NRXN1: variants seen among roughly 807,000 people sequenced by gnomAD.
The protein encoded by NRXN1 is neurexin-1.
NRXN1 carries 39 observed loss-of-function variants against 150.9 expected under a neutral mutation model. The observed-to-expected ratio is 0.26, with a 90% CI of 0.20 to 0.34. The LOEUF (loss-of-function observed/expected upper bound fraction) is 0.34, where lower values mean the gene tolerates loss of function less well. Among genes scored for constraint, NRXN1 ranks in the 10% least tolerant of loss-of-function variants. NRXN1 has a pLI of 1.00. For synonymous variants in NRXN1, 924 were observed against 757.0 expected, an observed-to-expected ratio of 1.22 and a Z score of -3.62; for missense variants, 1,815 against 1,949.9, an observed-to-expected ratio of 0.93 and a Z score of 1.30.
At chr2:50,814,984 T>G (rs948407602) in intron 5 of NRXN1, among the ~76,000 whole-genome samples, 1 of 152,090 alleles carries the variant, frequency 6.6e-6, no homozygotes, top group African/African-American at 2.4e-5. Context: ...TATAGAGAAT[T>G]CTTAGAACTA....
chr2:50,562,472 G>A (rs1669245183), intron 8 of NRXN1, among the ~76,000 whole-genome samples: 1 of 151,840 alleles, frequency 6.6e-6, no homozygotes, highest in Admixed American at 6.6e-5. Context: ...TTTTGATCAT[G>A]CTCATCAATT....
chr2:50,928,251 T>C (rs1349752267), intron 2 of NRXN1, among the ~76,000 whole-genome samples: 2 of 151,912 alleles, frequency 1.3e-5, no homozygotes, highest in Non-Finnish European at 2.9e-5. Context: ...AAATGGGTGA[T>C]ATATTAACCA....
chr2:50,447,326 A>G (rs2086506717), intron 17 of NRXN1, among the ~76,000 whole-genome samples: 1 of 151,536 alleles, frequency 6.6e-6, no homozygotes, highest in Admixed American at 6.6e-5. Flanking sequence ...ATAAAAATAC[A>G]TAAATTAGCC....
chr2:50,669,052 G>A (rs1295212790), intron 5 of NRXN1, among the ~76,000 whole-genome samples: 1 of 151,912 alleles, frequency 6.6e-6, no homozygotes, highest in Non-Finnish European at 1.5e-5. Flanking sequence ...ATCTACGCAG[G>A]AGAAATGGGA....
Position 50,763,392 on chromosome 2 carries a change from C to T in NRXN1, c.833-139777G>A, listed in dbSNP as rs376691414. Among the ~76,000 whole-genome samples, 138 of 152,038 alleles carry T rather than the reference C, an allele frequency of 9.1e-4. 4 individuals are homozygous for T. The South Asian group carries it at 0.028, about 31-fold the overall frequency. ...CATCTGTAAAACAACAATGACTATT[C>T]TACTGGTTTATATGGTGACTAAGTA... On this transcript the variant is annotated intron_variant, in intron 5 of 22. Coordinates refer to ENST00000401669, the MANE Select transcript of NRXN1 (RefSeq NM_001330078.2).
intron 22 of NRXN1, among the ~76,000 whole-genome samples, chr2:49,941,512 C>T (rs1280062333): frequency 3.3e-5 from 5 of 151,900 alleles, no homozygotes; most frequent in Non-Finnish European, 5.9e-5. Context: ...AGAACTGGAT[C>T]ATTCAGCTGA....
chr2:50,403,124 G>A (rs1025697183), intron 17 of NRXN1, among the ~76,000 whole-genome samples: 3 of 152,032 alleles, frequency 2.0e-5, no homozygotes, highest in African/African-American at 7.2e-5. Flanking sequence ...AACATCACCT[G>A]GTTTCCAAGG....
chr2:50,979,267 T>C, intron 2 of NRXN1: 2 of 518,138 alleles, frequency 3.9e-6, no homozygotes, highest in South Asian at 2.8e-5. Flanking sequence ...GATGCAATAT[T>C]TACATCAGCT....
rs564283775 is a variant in NRXN1, at chr2:50,376,319, C to T, written c.3364+89123G>A. Among the ~76,000 whole-genome samples, 3 of 150,876 alleles carry T rather than the reference C, an allele frequency of 2.0e-5. No individual in the cohort carries two copies. In the South Asian group the frequency reaches 6.3e-4, roughly 32 times the overall value. The stretch of plus-strand genomic sequence containing the variant: ...GGTTGTGAACAAAATTATTTGTCTC[C>T]ATTTGTGTTCTATTGGCTTACTGCT... On this transcript the variant is annotated intron_variant, in intron 17 of 22. Transcript: ENST00000401669.
At chr2:50,107,909 T>A (rs576673665) in intron 18 of NRXN1, among the ~76,000 whole-genome samples, 6 of 151,990 alleles carry the variant, frequency 3.9e-5, no homozygotes, top group Non-Finnish European at 7.4e-5. Context: ...TTATATTAAC[T>A]CTGTGTGAGA....
chr2:50,690,646 T>C (rs1574114038), intron 5 of NRXN1, among the ~76,000 whole-genome samples: 1 of 152,232 alleles, frequency 6.6e-6, no homozygotes, highest in African/African-American at 2.4e-5. Flanking sequence ...TGAGAACATA[T>C]ATTTGTGTAG....
intron 2 of NRXN1, among the ~76,000 whole-genome samples, chr2:50,973,314 G>T (rs1470462100): frequency 6.6e-6 from 1 of 152,104 alleles, no homozygotes; most frequent in Admixed American, 6.6e-5. Flanking sequence ...GCTCAGAGAG[G>T]TGCAGAGACA....
At chr2:50,573,839 T>C (rs113678864) in intron 8 of NRXN1, among the ~76,000 whole-genome samples, 17 of 152,090 alleles carry the variant, frequency 1.1e-4, no homozygotes, top group African/African-American at 3.6e-4. Flanking sequence ...TTGTATTAGG[T>C]ATTATAAGTA....
At chr2:50,817,460 C>A (rs1215060151) in intron 5 of NRXN1, among the ~76,000 whole-genome samples, 2 of 151,942 alleles carry the variant, frequency 1.3e-5, no homozygotes, top group Admixed American at 1.3e-4. Context: ...TCAGAATTTT[C>A]TAAGAAATAG....
At chr2:50,544,242 A>G (rs1439297412) in intron 9 of NRXN1, among the ~76,000 whole-genome samples, 3 of 152,104 alleles carry the variant, frequency 2.0e-5, no homozygotes, top group Admixed American at 2.0e-4. Flanking sequence ...AGTAATAAAA[A>G]CAGAATACAA....
At chr2:50,661,589 G>C (rs547516073) in intron 5 of NRXN1, among the ~76,000 whole-genome samples, 2 of 152,154 alleles carry the variant, frequency 1.3e-5, no homozygotes, top group East Asian at 1.9e-4. Flanking sequence ...CCAGAGGCTG[G>C]TATGGTCTCC....
At chr2:50,237,184 T>A (rs2065530263) in intron 17 of NRXN1, among the ~76,000 whole-genome samples, 1 of 152,072 alleles carries the variant, frequency 6.6e-6, no homozygotes, top group South Asian at 2.1e-4. Flanking sequence ...ACTGATTCAA[T>A]TTACCAGTAG....
intron 5 of NRXN1, among the ~76,000 whole-genome samples, chr2:50,788,891 C>T (rs531618480): frequency 8.5e-5 from 13 of 152,224 alleles, no homozygotes. Context: ...ATTGAGTGAT[C>T]ATGGAAGGTT....
rs202244228 is a variant in NRXN1, at chr2:51,027,904, G to A, written c.370C>T (p.Arg124Cys). The A allele has an allele frequency of 1.1e-5, 17 of 1,609,576 alleles. No individual in the cohort carries two copies. The highest frequency in any genetic ancestry group is 1.3e-5 in the African/African-American group (1 of 74,936). The change falls in exon 2 of 23, where the codon CGC (arginine) becomes TGC (cysteine). Residue 124 changes from arginine (R) to cysteine (C), a missense_variant. By Grantham distance (180) the Arg-to-Cys change is radical. Transcript: ENST00000401669. ...TGGTCGATGAAGAGCGTGGTGTTGC[G>A]GAACTGGCGGCGGATGCGCACGCTG... is the stretch of plus-strand genomic sequence containing the variant. ...WHSVRIRRQFRNTTLFIDQVE... is the reference protein window; with the variant it reads ...WHSVRIRRQFCNTTLFIDQVE...
Sources: gnomAD v4.1 joint callset for allele counts (sites outside exome capture counted in the v4.1 genomes callset) on GRCh38, gnomAD v4.1.1 for gene constraint, MANE v1.5 for transcripts, NCBI Gene and HGNC (gene_info 2026-07-23, HGNC 2026-07-21) for gene names.